The following MEAK7 variants were observed in gnomAD, a reference collection of about 807,000 sequenced individuals.
MEAK7 encodes the protein MTOR associated protein MEAK7.
Under a neutral mutation model 40.5 loss-of-function variants are expected in MEAK7, and 68 were observed. The ratio of observed to expected loss-of-function variants is 1.68; its 90% CI spans 1.38 to 2.06. MEAK7 has a LOEUF of 2.06. Ranked by LOEUF, MEAK7 falls within the 30% of genes most tolerant of loss-of-function variation. The pLI is 0.00. For synonymous variants in MEAK7, 338 were observed against 231.9 expected (o/e 1.46, Z -4.16); for missense variants, 918 against 580.5 (o/e 1.58, Z -5.98).
At position 84,491,829 on chromosome 16, in the gene MEAK7, T is replaced by A. The variant is rs1465971279; in HGVS notation, c.385-2407A>T. 5.2e-5 allele frequency among the ~76,000 whole-genome samples: 7 copies of A among 134,366 alleles called. No homozygotes were observed. The East Asian group carries it at 1.5e-3, about 29-fold the overall frequency. The allele number at this position is 134,366 out of a possible 152,430, so 88.1% of individuals were successfully genotyped here. A position where few individuals can be genotyped will look rare whatever the true frequency, so the allele number is the denominator to read the frequency against. ...TCCAGCCTCGGTGAAGGCGCAAGACTCCGTCTCAAAAAAAAAAAAAAGAAA... is the reference window on the plus strand; with the variant it reads ...TCCAGCCTCGGTGAAGGCGCAAGACACCGTCTCAAAAAAAAAAAAAAGAAA... On this transcript the variant is annotated intron_variant, in intron 3 of 7. Transcript: ENST00000343629.
intron 2 of MEAK7, chr16:84,497,579 T>C: frequency 7.7e-7 from 1 of 1,304,486 alleles, no homozygotes; most frequent in South Asian, 1.2e-5. Context: ...TCTCCTCTGA[T>C]GTTCATCTCA....
intron 5 of MEAK7, among the ~76,000 whole-genome samples, chr16:84,483,118 G>A (rs1912723724): frequency 1.3e-5 from 2 of 152,228 alleles, no homozygotes; most frequent in South Asian, 2.1e-4. Context: ...GGCAAGTGAC[G>A]CTGCGTAGTG....
rs1360618340 is a variant in MEAK7 at position 84,478,071 on chromosome 16, C to T, written c.*1842G>A. 3 of 151,774 alleles carry T rather than the reference C, an allele frequency of 2.0e-5. No homozygotes were observed. The highest frequency in any genetic ancestry group is 7.3e-5 in the African/African-American group (3 of 41,320). 9.4% of individuals were successfully genotyped at this position (151,774 alleles called of 1,614,324 possible). On this transcript the variant is annotated 3_prime_UTR_variant, in exon 8 of 8. Transcript: ENST00000343629. Reference sequence around the variant, plus strand: ...TTAATTTTTTTTTTAACTGAGGCATCATGGCAGTTTAATAGTGAGGTATTT... The same window carrying T: ...TTAATTTTTTTTTTAACTGAGGCATTATGGCAGTTTAATAGTGAGGTATTT...
At chr16:84,502,441 C>T (rs1309523983) in intron 1 of MEAK7, among the ~76,000 whole-genome samples, 1 of 151,996 alleles carries the variant, frequency 6.6e-6, no homozygotes, top group Non-Finnish European at 1.5e-5. Context: ...GGATGTAGGG[C>T]AGCGGAACAA....
chr16:84,494,077 G>C (rs1913845120), intron 3 of MEAK7, among the ~76,000 whole-genome samples: 1 of 152,134 alleles, frequency 6.6e-6, no homozygotes, highest in African/African-American at 2.4e-5. Flanking sequence ...AAATAAAAAT[G>C]TCTAATCTCA....
intron 6 of MEAK7, among the ~76,000 whole-genome samples, chr16:84,481,726 G>A (rs1203798341): frequency 6.6e-6 from 1 of 152,154 alleles, no homozygotes; most frequent in Admixed American, 6.5e-5. Flanking sequence ...GAGGTCAGGA[G>A]ATGGAGACCA....
intron 5 of MEAK7, among the ~76,000 whole-genome samples, chr16:84,485,650 C>A (rs1384408902): frequency 1.3e-5 from 2 of 148,682 alleles, no homozygotes; most frequent in Non-Finnish European, 3.0e-5. Context: ...ATCCATCCAT[C>A]CATCCATCCA....
intron 1 of MEAK7, among the ~76,000 whole-genome samples, chr16:84,498,613 A>C (rs1415110447): frequency 2.0e-5 from 3 of 152,100 alleles, no homozygotes; most frequent in African/African-American, 7.2e-5. Context: ...TAGCTGATAC[A>C]AACAAAGCTG....
chr16:84,482,688 G>A lies in MEAK7; in HGVS notation c.981C>T (p.Phe327=), dbSNP rs767670687. 7.4e-6 allele frequency: 12 copies of A among 1,614,216 alleles called. No homozygotes were observed. The South Asian group carries it at 7.7e-5, about 10-fold the overall frequency. Residue 327 remains phenylalanine, a synonymous_variant, in exon 6 of 8, where the codon TTC becomes TTT. Coordinates refer to ENST00000343629, the MANE Select transcript of MEAK7 (RefSeq NM_020947.4). ...ACACAGCCATGCTGGGGCAGATGGA[G>A]AACAGGAAGCATCTGTTGTCCCCTG... ...QFQGDNRCFL[F]SICPSMAVYT...
intron 3 of MEAK7, 28 bp downstream of exon 3, chr16:84,495,655 G>C (rs1465309337): frequency 6.2e-7 from 1 of 1,609,274 alleles, no homozygotes; most frequent in Non-Finnish European, 8.5e-7. Context: ...TGCTGAGGAG[G>C]CTGCAAAGGA....
At chr16:84,492,780 C>G (rs866811786) in intron 3 of MEAK7, among the ~76,000 whole-genome samples, 3 of 152,016 alleles carry the variant, frequency 2.0e-5, no homozygotes, top group Non-Finnish European at 4.4e-5. Flanking sequence ...CAGGGTTTCA[C>G]CATGTTAGCG....
At chr16:84,483,465 CACA>C (rs1440121871) in intron 5 of MEAK7, among the ~76,000 whole-genome samples, 4 of 152,242 alleles carry the variant, frequency 2.6e-5, no homozygotes, top group Non-Finnish European at 4.4e-5. Context: ...ACACAACTGT[CACA>C]ACAAGCTGGA....
Position 84,479,556 on chromosome 16 carries a change from A to AATTCCCTAATGCCAGCGGG in MEAK7, c.*338_*356dup, listed in dbSNP as rs1463744419. The AATTCCCTAATGCCAGCGGG allele has an allele frequency of 1.2e-5, 2 of 172,212 alleles. No individual in the cohort carries two copies. The highest frequency in any genetic ancestry group is 4.7e-5 in the African/African-American group (2 of 42,150). The allele number at this position is 172,212 out of a possible 1,614,324, so 10.7% of individuals were successfully genotyped here. A position where few individuals can be genotyped will look rare whatever the true frequency, so the allele number is the denominator to read the frequency against. On this transcript the variant is annotated 3_prime_UTR_variant, in exon 8 of 8. Coordinates refer to ENST00000343629, the MANE Select transcript of MEAK7 (RefSeq NM_020947.4). Reference sequence around the variant, plus strand: ...CAGCGGAATTCCCTAATGCCAGCGGAATTCCCTAATGCCAGCGGGGGTCTG... The same window carrying AATTCCCTAATGCCAGCGGG: ...CAGCGGAATTCCCTAATGCCAGCGGAATTCCCTAATGCCAGCGGGATTCCCTAATGCCAGCGGGGGTCTG...
At chr16:84,482,450 A>T (rs575198810) in intron 6 of MEAK7, 142 bp downstream of exon 6, 1 of 1,394,364 alleles carries the variant, frequency 7.2e-7, no homozygotes, top group African/African-American at 1.4e-5. Context: ...CCGGCCCTGG[A>T]AACAGAAGGA....
chr16:84,482,653 G>A lies in MEAK7; in HGVS notation c.1016C>T (p.Thr339Met), dbSNP rs144075358. Reference sequence around the variant, plus strand: ...GTACATGTAGTGGTCGTTGTAGCCCGTGTGTGTGTACACAGCCATGCTGGG... The same window carrying A: ...GTACATGTAGTGGTCGTTGTAGCCCATGTGTGTGTACACAGCCATGCTGGG... The part of the protein sequence containing the change: ...ICPSMAVYTH[T>M]GYNDHYMYLN... Residue 339 changes from threonine to methionine, a missense_variant, in exon 6 of 8, where the codon ACG becomes ATG. Thr to Met is a moderately conservative substitution (Grantham distance 81, BLOSUM62 -1). Transcript: ENST00000343629. 5.0e-5 allele frequency: 80 copies of A among 1,613,932 alleles called. 1 individual carries two copies. The highest frequency in any genetic ancestry group is 8.8e-5 in the South Asian group (8 of 91,084).
chr16:84,504,464 G>T, intron 1 of MEAK7, 137 bp downstream of exon 1: 2 of 381,888 alleles, frequency 5.2e-6, no homozygotes, highest in African/African-American at 2.6e-5. Flanking sequence ...CCCCCGACCC[G>T]AGGGCCTGAA....
At chr16:84,487,196 G>C in intron 4 of MEAK7, 137 bp from the exon 5 acceptor site, 1 of 770,222 alleles carries the variant, frequency 1.3e-6, no homozygotes, top group Non-Finnish European at 2.0e-6. Flanking sequence ...CGTGTGAATT[G>C]AGAGGTGCCG....
Position 84,478,730 on chromosome 16 carries a change from A to C in MEAK7, c.*1183T>G, listed in dbSNP as rs1320247956. On this transcript the variant is annotated 3_prime_UTR_variant, in exon 8 of 8. Coordinates refer to ENST00000343629, the MANE Select transcript of MEAK7 (RefSeq NM_020947.4). ...CGGAGCTTGTTTAAAGTCAGTCTAC[A>C]CTGCTGAATTTCCCATCATCCCCCT... 6.6e-6 allele frequency: 1 copy of C among 152,220 alleles called. No individual in the cohort carries two copies. Among genetic ancestry groups the C allele is most frequent in the Non-Finnish European group, 1.5e-5 (1 of 68,074 alleles). 9.4% of individuals were successfully genotyped at this position (152,220 alleles called of 1,614,324 possible).
At position 84,477,782 on chromosome 16, in the gene MEAK7, G is replaced by A. The variant is rs8053541; in HGVS notation, c.*2131C>T. ...GTCCACTGGCCCCAGCCCTGCACAC[G>A]CCCTAAAAAGGTTTGAGTGTCCAGA... On this transcript the variant is annotated 3_prime_UTR_variant, in exon 8 of 8. Transcript: ENST00000343629. The A allele has an allele frequency of 0.54, 81,537 of 151,720 alleles. 22,580 individuals carry two copies. Among genetic ancestry groups the A allele is most frequent in the East Asian group, 0.76 (3,917 of 5,122 alleles). 9.4% of individuals were successfully genotyped at this position (151,720 alleles called of 1,614,324 possible). A position where few individuals can be genotyped will look rare whatever the true frequency, so the allele number is the denominator to read the frequency against.
Sources: gnomAD v4.1 joint callset for allele counts (sites outside exome capture counted in the v4.1 genomes callset) on GRCh38, gnomAD v4.1.1 for gene constraint, MANE v1.5 for transcripts, NCBI Gene and HGNC (gene_info 2026-07-23, HGNC 2026-07-21) for gene names.